The following ATRNL1 variants were observed in gnomAD, a reference collection of about 807,000 sequenced individuals.
ATRNL1 encodes attractin like 1, also known as attractin-like protein 1.
Under a neutral mutation model 182.7 loss-of-function variants are expected in ATRNL1, and 95 were observed. The ratio of observed to expected loss-of-function variants is 0.52; its 90% CI spans 0.44 to 0.62. ATRNL1 has a LOEUF of 0.62. Among genes scored for constraint, ATRNL1 ranks in the 20% least tolerant of loss-of-function variants. The probability of loss-of-function intolerance (pLI) is 0.00; values close to 1 mark genes in which losing one functional copy is unlikely to be tolerated. For missense variants in ATRNL1, 1,471 were observed against 1,679.5 expected (o/e 0.88, Z 2.17); for synonymous variants, 576 against 568.3 (o/e 1.01, Z -0.19).
At chr10:115,211,244 CTTT>C (rs879993228) in intron 8 of ATRNL1, among the ~76,000 whole-genome samples, 2 of 139,034 alleles carry the variant, frequency 1.4e-5, no homozygotes. Flanking sequence ...ATGACAAATT[CTTT>C]TTTTTTTTTT....
chr10:115,571,427 C>T (rs1854388708), intron 26 of ATRNL1, among the ~76,000 whole-genome samples: 1 of 152,100 alleles, frequency 6.6e-6, no homozygotes, highest in African/African-American at 2.4e-5. Flanking sequence ...TTCTTTACCC[C>T]CATATTTTGA....
chr10:115,492,835 G>A (rs1309482345), intron 24 of ATRNL1, among the ~76,000 whole-genome samples: 1 of 151,340 alleles, frequency 6.6e-6, no homozygotes, highest in Non-Finnish European at 1.5e-5. Context: ...AGTAGAGACG[G>A]GGTTTCACCA....
At chr10:115,561,979 C>A (rs1853782828) in intron 26 of ATRNL1, among the ~76,000 whole-genome samples, 1 of 151,918 alleles carries the variant, frequency 6.6e-6, no homozygotes, top group Admixed American at 6.6e-5. Context: ...CAATTCCTTG[C>A]AATATTAATG....
chr10:115,096,772 C>A, intron 1 of ATRNL1: 1 of 1,259,052 alleles, frequency 7.9e-7, no homozygotes, highest in Non-Finnish European at 1.0e-6. Flanking sequence ...AGCATTGATT[C>A]CAGTCTTCTG....
chr10:115,740,730 T>C (rs1375924639), intron 27 of ATRNL1, among the ~76,000 whole-genome samples: 3 of 151,998 alleles, frequency 2.0e-5, no homozygotes, highest in African/African-American at 7.3e-5. Context: ...GGCCTCAAAC[T>C]CCTAACCTCA....
intron 26 of ATRNL1, among the ~76,000 whole-genome samples, chr10:115,668,386 T>C (rs1332637715): frequency 6.6e-6 from 1 of 152,158 alleles, no homozygotes; most frequent in Non-Finnish European, 1.5e-5. Context: ...CCTGAAATTG[T>C]TCACAATATT....
intron 8 of ATRNL1, among the ~76,000 whole-genome samples, chr10:115,196,746 A>C (rs1349785566): frequency 6.6e-6 from 1 of 152,114 alleles, no homozygotes; most frequent in African/African-American, 2.4e-5. Context: ...TCATTTTCAA[A>C]TATGGGTTTG....
intron 19 of ATRNL1, among the ~76,000 whole-genome samples, chr10:115,366,292 T>A (rs1857032560): frequency 6.6e-6 from 1 of 151,906 alleles, no homozygotes; most frequent in South Asian, 2.1e-4. Context: ...TTGTCTCTTT[T>A]GATCTTTGTT....
chr10:115,717,442 A>G (rs533856673), intron 26 of ATRNL1, among the ~76,000 whole-genome samples: 50 of 151,644 alleles, frequency 3.3e-4, no homozygotes, highest in Middle Eastern at 3.4e-3. Flanking sequence ...GCCCTTCACC[A>G]TATTGCTTAT....
chr10:115,838,558 A>G (rs782223860), intron 27 of ATRNL1, among the ~76,000 whole-genome samples: 40 of 152,290 alleles, frequency 2.6e-4, no homozygotes, highest in African/African-American at 9.4e-4. Context: ...GTAACAAGCA[A>G]GCTGGCATTG....
At chr10:115,516,788 G>A (rs1181758496) in intron 24 of ATRNL1, among the ~76,000 whole-genome samples, 2 of 151,800 alleles carry the variant, frequency 1.3e-5, no homozygotes, top group Non-Finnish European at 2.9e-5. Flanking sequence ...ACAGATATTT[G>A]TGTGTTTTTA....
chr10:115,320,106 A>G (rs1262334891), intron 18 of ATRNL1, among the ~76,000 whole-genome samples: 1 of 152,000 alleles, frequency 6.6e-6, no homozygotes, highest in African/African-American at 2.4e-5. Context: ...AAAATCCCTT[A>G]GCATTTGCTT....
chr10:115,895,059 G>A (rs1228638273), intron 28 of ATRNL1, among the ~76,000 whole-genome samples: 1 of 152,168 alleles, frequency 6.6e-6, no homozygotes, highest in Non-Finnish European at 1.5e-5. Context: ...GCTGAAGTGG[G>A]CTATGTAATT....
At chr10:115,856,261 C>A (rs1268170159) in intron 28 of ATRNL1, among the ~76,000 whole-genome samples, 1 of 151,556 alleles carries the variant, frequency 6.6e-6, no homozygotes, top group Non-Finnish European at 1.5e-5. Context: ...AATCCCGTCT[C>A]TACTAAAAAT....
At chr10:115,206,604 A>G (rs758835144) in intron 8 of ATRNL1, among the ~76,000 whole-genome samples, 20 of 152,136 alleles carry the variant, frequency 1.3e-4, no homozygotes, top group Non-Finnish European at 2.5e-4. Flanking sequence ...AGAGATAAAA[A>G]TGATAGATGA....
intron 21 of ATRNL1, among the ~76,000 whole-genome samples, chr10:115,459,813 A>G (rs879949365): frequency 2.0e-5 from 3 of 152,100 alleles, no homozygotes; most frequent in Non-Finnish European, 2.9e-5. Context: ...CTCATGGGGC[A>G]TCACGGATCC....
At chr10:115,831,104 C>T (rs185931242) in intron 27 of ATRNL1, among the ~76,000 whole-genome samples, 2 of 152,136 alleles carry the variant, frequency 1.3e-5, no homozygotes, top group Non-Finnish European at 2.9e-5. Context: ...AAGATAAATG[C>T]TCCCACCTGC....
intron 28 of ATRNL1, among the ~76,000 whole-genome samples, chr10:115,871,062 G>A (rs1342704074): frequency 6.6e-6 from 1 of 152,090 alleles, no homozygotes; most frequent in Non-Finnish European, 1.5e-5. Flanking sequence ...GGGAATAAAA[G>A]GAATGCTTTT....
intron 27 of ATRNL1, among the ~76,000 whole-genome samples, chr10:115,769,467 T>G: frequency 6.6e-6 from 1 of 152,202 alleles, no homozygotes; most frequent in East Asian, 1.9e-4. Context: ...ATATGTTTGA[T>G]TCTCATTTCA....
Sources: allele counts gnomAD v4.1 joint callset (sites outside exome capture counted in the v4.1 genomes callset), GRCh38; gene constraint gnomAD v4.1.1; transcripts MANE v1.5; gene names NCBI Gene and HGNC (gene_info 2026-07-23, HGNC 2026-07-21).